ZNF577: variants seen among roughly 807,000 people sequenced by gnomAD.
The protein encoded by ZNF577 is zinc finger protein 577.
A neutral mutation model predicts 13.9 loss-of-function variants in ZNF577; 14 were observed. The ratio of observed to expected loss-of-function variants is 1.00; its 90% CI spans 0.66 to 1.57. The LOEUF (loss-of-function observed/expected upper bound fraction) is 1.57, where lower values mean the gene tolerates loss of function less well. ZNF577 is among the 40% of genes most tolerant of loss of function. The pLI is 0.00. For missense variants in ZNF577, 555 were observed against 579.2 expected (o/e 0.96, Z 0.43); for synonymous variants, 203 against 202.9 (o/e 1.00, Z 0.00).
intron 9 of ZNF577, among the ~76,000 whole-genome samples, chr19:51,816,379 C>A (rs970570708): frequency 6.6e-6 from 1 of 152,288 alleles, no homozygotes; most frequent in Middle Eastern, 3.4e-3. Flanking sequence ...TCCTCAGTAG[C>A]TGGAATTACT....
chr19:51,880,268 A>G, intron 3 of ZNF577, 55 bp downstream of exon 3: 1 of 1,570,248 alleles, frequency 6.4e-7, no homozygotes, highest in Non-Finnish European at 8.8e-7. Flanking sequence ...GTCAACCACA[A>G]AAGCTCTCTG....
intron 10 of ZNF577, among the ~76,000 whole-genome samples, chr19:51,810,339 T>C (rs1366423963): frequency 3.3e-5 from 5 of 152,206 alleles, no homozygotes; most frequent in Non-Finnish European, 7.3e-5. Context: ...AAGGTTAGCA[T>C]TTCTGCAGCC....
At chr19:51,865,564 T>C (rs1449112303), downstream of ZNF577, among the ~76,000 whole-genome samples, 4 of 152,206 alleles carry the variant, frequency 2.6e-5, no homozygotes, top group East Asian at 1.9e-4. Flanking sequence ...GCTGTGATGA[T>C]GTGTCGATTG....
intron 4 of ZNF577, chr19:51,877,857 C>T (rs1051253459): frequency 6.4e-6 from 1 of 156,640 alleles, no homozygotes; most frequent in African/African-American, 2.4e-5. Context: ...TGGAAGCAAC[C>T]CAGTGTTCCT....
intron 9 of ZNF577, among the ~76,000 whole-genome samples, chr19:51,813,155 CA>C (rs1568429906): frequency 1.3e-5 from 2 of 151,248 alleles, no homozygotes; most frequent in Non-Finnish European, 2.9e-5. Flanking sequence ...CACACACACA[CA>C]CACACCCCAT....
At chr19:51,836,386 T>C (rs2084287334) in intron 9 of ZNF577, among the ~76,000 whole-genome samples, 1 of 152,226 alleles carries the variant, frequency 6.6e-6, no homozygotes, top group Non-Finnish European at 1.5e-5. Flanking sequence ...TGTTTTACAC[T>C]TTTTGAAATA....
At chr19:51,886,124 A>C (rs1487389205) in intron 1 of ZNF577, 2 of 152,166 alleles carry the variant, frequency 1.3e-5, no homozygotes, top group Non-Finnish European at 1.5e-5. Context: ...ACCTTTGGAG[A>C]GGAGAGAGAA....
At chr19:51,852,900 G>A (rs769536089) in intron 5 of ZNF577, among the ~76,000 whole-genome samples, 4 of 151,808 alleles carry the variant, frequency 2.6e-5, no homozygotes, top group Non-Finnish European at 5.9e-5. Context: ...TGTCAGGTAG[G>A]GTGAATGGCT....
At chr19:51,814,251 C>G (rs1018684442) in intron 9 of ZNF577, among the ~76,000 whole-genome samples, 1 of 152,122 alleles carries the variant, frequency 6.6e-6, no homozygotes, top group Non-Finnish European at 1.5e-5. Context: ...CCTGATGTTG[C>G]TTAAAATCTC....
At position 51,836,811 on chromosome 19, in the gene ZNF577, C is replaced by T. The variant is rs758094378; in HGVS notation, c.*599+3082G>A. 7.2e-5 allele frequency among the ~76,000 whole-genome samples: 11 copies of T among 152,014 alleles called. No individual in the cohort carries two copies. The East Asian group carries it at 9.7e-4, about 13-fold the overall frequency. ...GTAATACCAGCACTTTGGGAGGCTG[C>T]GGCGGGTGGATCACCTGAGGTCAGG... On this transcript the variant is annotated intron_variant and NMD_transcript_variant, in intron 9 of 10. Transcript: ENST00000638827.
intron 9 of ZNF577, among the ~76,000 whole-genome samples, chr19:51,838,494 A>C (rs934202057): frequency 1.3e-5 from 2 of 150,398 alleles, no homozygotes; most frequent in African/African-American, 4.8e-5. Context: ...TATAATAAAA[A>C]ATTTTTTTTT....
At chr19:51,811,661 T>A (rs768398112) in exon 10 of ZNF577, 2 of 152,204 alleles carry the variant, frequency 1.3e-5, no homozygotes, top group African/African-American at 4.8e-5. Context: ...TAACGTGCCA[T>A]GATCCCTGGT....
At chr19:51,878,266 TACC>T (rs1599874520) in intron 4 of ZNF577, 120 bp downstream of exon 4, 3 of 1,099,232 alleles carry the variant, frequency 2.7e-6, no homozygotes, top group Non-Finnish European at 3.7e-6. Flanking sequence ...TTATATATTT[TACC>T]ACCACAACAA....
intron 5 of ZNF577, among the ~76,000 whole-genome samples, chr19:51,853,728 G>T (rs1222103628): frequency 6.6e-6 from 1 of 152,146 alleles, no homozygotes; most frequent in Admixed American, 6.5e-5. Context: ...AACTTTCATT[G>T]AAAATAAGTT....
Position 51,871,038 on chromosome 19 carries a change from A to ATCCAGG in ZNF577, c.*1493_*1494insCCTGGA, listed in dbSNP as rs2122649592. Among the ~76,000 whole-genome samples the ATCCAGG allele has an allele frequency of 6.6e-6, 1 of 152,310 alleles. No homozygotes were observed. Among genetic ancestry groups the ATCCAGG allele is most frequent in the South Asian group, 2.1e-4 (1 of 4,826 alleles). On this transcript the variant is annotated 3_prime_UTR_variant, in exon 6 of 6. Coordinates refer to ENST00000638348, the MANE Select transcript of ZNF577 (RefSeq NM_001370449.1). ...GGACTGTTTGGGTTGGCTATGAAAAAGTTAGTCAATATCCAGGTGCATTAT... is the reference window on the plus strand; with the variant it reads ...GGACTGTTTGGGTTGGCTATGAAAAATCCAGGGTTAGTCAATATCCAGGTGCATTAT...
At chr19:51,857,428 A>AAG (rs1364320838) in intron 5 of ZNF577, among the ~76,000 whole-genome samples, 11 of 146,934 alleles carry the variant, frequency 7.5e-5, no homozygotes, top group African/African-American at 1.3e-4. Context: ...GAAAGAAAGA[A>AAG]AAGAAAAAAC....
chr19:51,821,578 G>A (rs2084189862), intron 9 of ZNF577, among the ~76,000 whole-genome samples: 1 of 152,122 alleles, frequency 6.6e-6, no homozygotes, highest in Non-Finnish European at 1.5e-5. Context: ...AAAGTGACTG[G>A]TAATGACAGG....
intron 9 of ZNF577, among the ~76,000 whole-genome samples, chr19:51,821,431 CA>C (rs891601219): frequency 5.9e-5 from 9 of 152,212 alleles, no homozygotes; most frequent in African/African-American, 1.7e-4. Context: ...GGATAGAGGC[CA>C]GGGGTGTTGC....
At chr19:51,858,997 T>C (rs1185044200) in intron 5 of ZNF577, among the ~76,000 whole-genome samples, 2 of 152,234 alleles carry the variant, frequency 1.3e-5, no homozygotes, top group African/African-American at 4.8e-5. Context: ...ATAGATTGCA[T>C]TCTCCCTTCC....
Sources: allele counts gnomAD v4.1 joint callset (sites outside exome capture counted in the v4.1 genomes callset), GRCh38; gene constraint gnomAD v4.1.1; transcripts MANE v1.5; gene names NCBI Gene and HGNC (gene_info 2026-07-23, HGNC 2026-07-21).